The following GRID2 variants were observed in gnomAD, a reference collection of about 807,000 sequenced individuals.
GRID2 encodes glutamate ionotropic receptor delta type subunit 2.
In GRID2, 33 loss-of-function variants were observed where a neutral mutation model predicts 114.8. That is an observed-to-expected ratio of 0.29 (90% CI 0.22 to 0.38). The LOEUF (loss-of-function observed/expected upper bound fraction) is 0.38. Ranked by LOEUF, GRID2 falls within the 10% of genes least tolerant of loss-of-function variation. The probability of loss-of-function intolerance (pLI) is 1.00; values close to 1 mark genes in which losing one functional copy is unlikely to be tolerated. For synonymous variants in GRID2, 505 were observed against 449.9 expected, an observed-to-expected ratio of 1.12 and a Z score of -1.55; for missense variants, 1,184 against 1,257.7, an observed-to-expected ratio of 0.94 and a Z score of 0.89.
chr4:93,074,368 T>C (rs183433140), intron 2 of GRID2, among the ~76,000 whole-genome samples: 2 of 152,190 alleles, frequency 1.3e-5, no homozygotes, highest in African/African-American at 4.8e-5. Context: ...AAAAATAGAT[T>C]GAGCTATATC....
At chr4:93,590,307 A>G (rs922266926) in intron 13 of GRID2, among the ~76,000 whole-genome samples, 1 of 150,510 alleles carries the variant, frequency 6.6e-6, no homozygotes, top group Non-Finnish European at 1.5e-5. Context: ...TTTATTAAAT[A>G]GGGAATCCTT....
intron 2 of GRID2, among the ~76,000 whole-genome samples, chr4:92,868,074 G>GTCTC (rs995811871): frequency 8.4e-6 from 1 of 119,662 alleles, no homozygotes; most frequent in African/African-American, 3.3e-5. Flanking sequence ...CTTTCTGTCT[G>GTCTC]TCTGTCTGTC....
intron 1 of GRID2, among the ~76,000 whole-genome samples, chr4:92,424,930 A>G (rs75168405): frequency 0.039 from 5,861 of 152,034 alleles, 124 homozygotes; most frequent in South Asian, 0.08. Context: ...AATTTAATGA[A>G]TGGAAAAAAC....
chr4:92,853,090 A>G (rs1743938338), intron 2 of GRID2, among the ~76,000 whole-genome samples: 1 of 151,968 alleles, frequency 6.6e-6, no homozygotes, highest in South Asian at 2.1e-4. Flanking sequence ...CTTTGGAATC[A>G]CATAGACCAT....
At chr4:93,748,869 G>A (rs1216643927) in intron 14 of GRID2, among the ~76,000 whole-genome samples, 1 of 151,698 alleles carries the variant, frequency 6.6e-6, no homozygotes, top group Admixed American at 6.6e-5. Flanking sequence ...ATAGATCATT[G>A]TGACAAATGC....
At chr4:92,924,338 A>T (rs1288415262) in intron 2 of GRID2, among the ~76,000 whole-genome samples, 2 of 152,024 alleles carry the variant, frequency 1.3e-5, no homozygotes, top group African/African-American at 4.8e-5. Context: ...AGCATGGCAC[A>T]TGTATACATA....
At chr4:92,699,087 A>G (rs537892685) in intron 2 of GRID2, among the ~76,000 whole-genome samples, 57 of 152,254 alleles carry the variant, frequency 3.7e-4, no homozygotes, top group African/African-American at 1.3e-3. Context: ...GAAAAAAAAC[A>G]GTAATTTCAT....
chr4:92,333,106 G>C (rs1223672886), intron 1 of GRID2, among the ~76,000 whole-genome samples: 1 of 152,238 alleles, frequency 6.6e-6, no homozygotes, highest in East Asian at 1.9e-4. Flanking sequence ...ACAAGTCTCT[G>C]CCTGGTCTCC....
At chr4:92,356,767 A>T (rs1369381971) in intron 1 of GRID2, among the ~76,000 whole-genome samples, 1 of 151,800 alleles carries the variant, frequency 6.6e-6, no homozygotes, top group East Asian at 1.9e-4. Context: ...ATAGTAACTA[A>T]TGCACTGAAA....
intron 4 of GRID2, among the ~76,000 whole-genome samples, chr4:93,191,617 A>T (rs1740988153): frequency 1.3e-5 from 2 of 152,264 alleles, no homozygotes; most frequent in East Asian, 3.9e-4. Context: ...TTTTAAAAAA[A>T]ATCTTACCTT....
chr4:93,037,907 T>C (rs1725075259), intron 2 of GRID2, among the ~76,000 whole-genome samples: 2 of 152,178 alleles, frequency 1.3e-5, no homozygotes, highest in Admixed American at 6.5e-5. Flanking sequence ...ATTAGGATTG[T>C]CTTGGCTATG....
chr4:92,808,047 A>G (rs1469446461), intron 2 of GRID2, among the ~76,000 whole-genome samples: 1 of 152,040 alleles, frequency 6.6e-6, no homozygotes, highest in Non-Finnish European at 1.5e-5. Flanking sequence ...TATTGTAATC[A>G]TAAGGGTTCT....
intron 1 of GRID2, among the ~76,000 whole-genome samples, chr4:92,550,197 T>C (rs1726509517): frequency 6.6e-6 from 1 of 152,152 alleles, no homozygotes; most frequent in South Asian, 2.1e-4. Context: ...AATGAAGACT[T>C]ATGGTTTTTT....
intron 8 of GRID2, among the ~76,000 whole-genome samples, chr4:93,363,703 T>C (rs570904704): frequency 6.6e-6 from 1 of 152,182 alleles, no homozygotes; most frequent in East Asian, 1.9e-4. Context: ...TGTACTTAAA[T>C]TAATATACCT....
At chr4:93,108,159 T>G (rs914895330) in intron 3 of GRID2, among the ~76,000 whole-genome samples, 1 of 152,188 alleles carries the variant, frequency 6.6e-6, no homozygotes, top group African/African-American at 2.4e-5. Flanking sequence ...ATACTAGTTT[T>G]GCAGAGAAAC....
intron 1 of GRID2, among the ~76,000 whole-genome samples, chr4:92,440,208 A>C (rs1246207245): frequency 6.8e-6 from 1 of 146,302 alleles, no homozygotes; most frequent in Non-Finnish European, 1.5e-5. Context: ...CTTTTCTTGA[A>C]GACGGAGGAC....
chr4:92,673,197 A>G (rs1411456364), intron 2 of GRID2, among the ~76,000 whole-genome samples: 1 of 151,826 alleles, frequency 6.6e-6, no homozygotes, highest in Non-Finnish European at 1.5e-5. Flanking sequence ...TATATATTTG[A>G]TGGTTACTCT....
At chr4:93,309,541 A>AAAT (rs144251678) in intron 8 of GRID2, among the ~76,000 whole-genome samples, 3,151 of 151,256 alleles carry the variant, frequency 0.021, 69 homozygotes, top group South Asian at 0.062. Flanking sequence ...TTGTCTCAAA[A>AAAT]AATAATAATA....
chr4:93,757,565 C>T (rs1195768197), intron 14 of GRID2, among the ~76,000 whole-genome samples: 1 of 152,226 alleles, frequency 6.6e-6, no homozygotes, highest in African/African-American at 2.4e-5. Flanking sequence ...TCTTGTGCTG[C>T]CCCATTCCGG....
Sources: allele counts gnomAD v4.1 joint callset (sites outside exome capture counted in the v4.1 genomes callset), GRCh38; gene constraint gnomAD v4.1.1; transcripts MANE v1.5; gene names NCBI Gene and HGNC (gene_info 2026-07-23, HGNC 2026-07-21).